GPC5: variants seen among roughly 807,000 people sequenced by gnomAD.
GPC5 encodes glypican-5.
Under a neutral mutation model 53.9 loss-of-function variants are expected in GPC5, and 47 were observed. The observed-to-expected ratio is 0.87, with a 90% CI of 0.69 to 1.11. GPC5 has a LOEUF of 1.11. Ranked by LOEUF, GPC5 falls within the 50% of genes most tolerant of loss-of-function variation. GPC5 has a pLI of 0.00. For missense variants in GPC5, 748 were observed against 713.1 expected (o/e 1.05, Z -0.56); for synonymous variants, 286 against 263.3 (o/e 1.09, Z -0.84).
At chr13:91,821,260 CTTTG>C (rs2038490242) in intron 5 of GPC5, among the ~76,000 whole-genome samples, 1 of 152,038 alleles carries the variant, frequency 6.6e-6, no homozygotes, top group Non-Finnish European at 1.5e-5. Context: ...ATTATTGAAA[CTTTG>C]TTTTCTTGCT....
intron 6 of GPC5, among the ~76,000 whole-genome samples, chr13:92,081,252 G>A (rs1254131985): frequency 6.6e-6 from 1 of 151,914 alleles, no homozygotes; most frequent in Non-Finnish European, 1.5e-5. Context: ...CAGGCACGCA[G>A]CACCATACCT....
intron 7 of GPC5, among the ~76,000 whole-genome samples, chr13:92,826,628 A>G (rs1439517672): frequency 6.6e-6 from 1 of 152,188 alleles, no homozygotes. Context: ...TAAAATATAT[A>G]TCCCAAGGGA....
intron 7 of GPC5, among the ~76,000 whole-genome samples, chr13:92,457,578 A>G (rs904133369): frequency 2.0e-5 from 3 of 152,188 alleles, no homozygotes; most frequent in Non-Finnish European, 2.9e-5. Flanking sequence ...GTTTTGAAGA[A>G]CTCTATCGAG....
chr13:91,688,841 T>C (rs1487297463), intron 2 of GPC5, among the ~76,000 whole-genome samples: 2 of 151,968 alleles, frequency 1.3e-5, no homozygotes, highest in African/African-American at 4.8e-5. Flanking sequence ...TAAATCTTTG[T>C]GTATCTAAGC....
chr13:91,483,644 A>G (rs1334128144), intron 2 of GPC5, among the ~76,000 whole-genome samples: 1 of 152,230 alleles, frequency 6.6e-6, no homozygotes, highest in Non-Finnish European at 1.5e-5. Flanking sequence ...GTTAAGCACA[A>G]TTAAAAATTT....
At chr13:91,759,226 A>AT (rs1035408653) in intron 5 of GPC5, among the ~76,000 whole-genome samples, 2 of 151,446 alleles carry the variant, frequency 1.3e-5, no homozygotes, top group African/African-American at 2.4e-5. Context: ...TCAATTCTTT[A>AT]TTTTTTTTCA....
In GPC5 at chr13:92,083,723, G is replaced by A. The variant is rs150536957; in HGVS notation, c.1402-61107G>A. Among the ~76,000 whole-genome samples, 17 of 152,224 alleles carry A rather than the reference G, an allele frequency of 1.1e-4. No individual in the cohort carries two copies. The East Asian group carries it at 1.6e-3, about 14-fold the overall frequency. ...AGTAATGGGATTGCTGGGCCAAATG[G>A]CATTTCTGCTTCTAGGTCTTTTAGG... On this transcript the variant is annotated intron_variant, in intron 6 of 7. Coordinates refer to ENST00000377067, the MANE Select transcript of GPC5 (RefSeq NM_004466.6).
chr13:92,826,976 C>T (rs551782043), intron 7 of GPC5, among the ~76,000 whole-genome samples: 1 of 152,048 alleles, frequency 6.6e-6, no homozygotes, highest in Non-Finnish European at 1.5e-5. Context: ...CTGTCATCTA[C>T]CCATTAATAT....
At chr13:92,850,810 T>C (rs1878770133) in intron 7 of GPC5, among the ~76,000 whole-genome samples, 1 of 152,192 alleles carries the variant, frequency 6.6e-6, no homozygotes, top group South Asian at 2.1e-4. Context: ...GAATTCTCAG[T>C]ACAGTTGAGG....
At chr13:91,683,178 C>T (rs554030978) in intron 2 of GPC5, among the ~76,000 whole-genome samples, 13 of 152,016 alleles carry the variant, frequency 8.6e-5, no homozygotes, top group African/African-American at 1.7e-4. Context: ...CATGAATACA[C>T]GCAGAAGACA....
chr13:92,639,778 A>G (rs532921543), intron 7 of GPC5, among the ~76,000 whole-genome samples: 50 of 152,312 alleles, frequency 3.3e-4, no homozygotes, highest in Admixed American at 2.3e-3. Context: ...ATTGAAAAGC[A>G]AATGGGTGCA....
chr13:91,731,353 A>G (rs1324648041), intron 4 of GPC5, among the ~76,000 whole-genome samples: 1 of 152,202 alleles, frequency 6.6e-6, no homozygotes, highest in Non-Finnish European at 1.5e-5. Context: ...GGTGTTAGGA[A>G]TCATCACCAC....
chr13:91,970,313 C>A (rs2040229445), intron 6 of GPC5, among the ~76,000 whole-genome samples: 1 of 151,928 alleles, frequency 6.6e-6, no homozygotes, highest in Non-Finnish European at 1.5e-5. Flanking sequence ...GAGATATTGG[C>A]AAAAAGATAC....
intron 2 of GPC5, among the ~76,000 whole-genome samples, chr13:91,540,473 G>A (rs1217281671): frequency 6.6e-6 from 1 of 152,220 alleles, no homozygotes; most frequent in East Asian, 1.9e-4. Context: ...GGAGAGAAAT[G>A]AAGAGTGACT....
At chr13:92,302,030 T>C (rs973529717) in intron 7 of GPC5, among the ~76,000 whole-genome samples, 2 of 152,234 alleles carry the variant, frequency 1.3e-5, no homozygotes, top group East Asian at 3.8e-4. Flanking sequence ...AATGTATTCA[T>C]TTATTTTAAC....
intron 7 of GPC5, among the ~76,000 whole-genome samples, chr13:92,791,918 A>G (rs1372783221): frequency 2.0e-5 from 3 of 152,138 alleles, no homozygotes; most frequent in Admixed American, 1.3e-4. Flanking sequence ...TTAGATGACT[A>G]TCATTTCATC....
chr13:92,567,005 C>T (rs1372691505), intron 7 of GPC5, among the ~76,000 whole-genome samples: 1 of 152,044 alleles, frequency 6.6e-6, no homozygotes, highest in Non-Finnish European at 1.5e-5. Flanking sequence ...ATTAGCAAAA[C>T]TTTCAGGGAG....
At chr13:91,821,084 A>G (rs1438660903) in intron 5 of GPC5, among the ~76,000 whole-genome samples, 1 of 152,214 alleles carries the variant, frequency 6.6e-6, no homozygotes, top group Non-Finnish European at 1.5e-5. Context: ...CATTCTATTC[A>G]TATTGTAATG....
chr13:91,564,282 A>G (rs1311541187), intron 2 of GPC5, among the ~76,000 whole-genome samples: 4 of 152,190 alleles, frequency 2.6e-5, no homozygotes, highest in Non-Finnish European at 4.4e-5. Flanking sequence ...GATCTATACC[A>G]TAACTCCTTA....
Sources: allele counts gnomAD v4.1 joint callset (sites outside exome capture counted in the v4.1 genomes callset), GRCh38; gene constraint gnomAD v4.1.1; transcripts MANE v1.5; gene names NCBI Gene and HGNC (gene_info 2026-07-23, HGNC 2026-07-21).